Variants in MGMT observed in about 807,000 individuals in gnomAD.
MGMT encodes O-6-methylguanine-DNA methyltransferase.
MGMT carries 14 observed loss-of-function variants against 15.9 expected under a neutral mutation model. The observed-to-expected ratio is 0.88, with a 90% confidence interval of 0.58 to 1.37. MGMT has a LOEUF of 1.37. Ranked by LOEUF, MGMT falls within the 40% of genes most tolerant of loss-of-function variation. The probability of loss-of-function intolerance (pLI) is 0.00; values close to 1 mark genes in which losing one functional copy is unlikely to be tolerated. For synonymous variants in MGMT, 130 were observed against 118.2 expected (o/e 1.10, Z -0.65); for missense variants, 282 against 268.1 (o/e 1.05, Z -0.36).
At chr10:129,548,995 G>T (rs895768772) in intron 2 of MGMT, among the ~76,000 whole-genome samples, 38 of 152,210 alleles carry the variant, frequency 2.5e-4, no homozygotes, top group African/African-American at 9.2e-4. Context: ...TATAATTGAT[G>T]TCATAAATAG....
intron 2 of MGMT, among the ~76,000 whole-genome samples, chr10:129,651,703 G>C (rs1252131847): frequency 6.6e-6 from 1 of 152,088 alleles, no homozygotes; most frequent in African/African-American, 2.4e-5. Context: ...TCCTGGCCCT[G>C]TTGGATTGTC....
intron 2 of MGMT, among the ~76,000 whole-genome samples, chr10:129,574,493 A>G (rs1846456520): frequency 6.6e-6 from 1 of 152,232 alleles, no homozygotes. Flanking sequence ...TGAGTATCAC[A>G]TTTCAGTAAT....
At chr10:129,764,207 G>A (rs529127609) in intron 4 of MGMT, among the ~76,000 whole-genome samples, 27 of 152,254 alleles carry the variant, frequency 1.8e-4, no homozygotes, top group Admixed American at 3.3e-4. Flanking sequence ...CCATTCGGCC[G>A]GAGGCTGAGA....
At chr10:129,645,641 C>T (rs145407996) in intron 2 of MGMT, among the ~76,000 whole-genome samples, 454 of 152,308 alleles carry the variant, frequency 3.0e-3, no homozygotes, top group African/African-American at 0.01. Context: ...TGGATTTGTG[C>T]GTGTCGGTGG....
At chr10:129,470,778 C>T (rs1394765294) in intron 1 of MGMT, among the ~76,000 whole-genome samples, 1 of 152,224 alleles carries the variant, frequency 6.6e-6, no homozygotes, top group African/African-American at 2.4e-5. Flanking sequence ...AAATCAGTGG[C>T]TCAGCAGCAG....
At chr10:129,520,081 G>C (rs1374053344) in intron 1 of MGMT, among the ~76,000 whole-genome samples, 4 of 152,188 alleles carry the variant, frequency 2.6e-5, no homozygotes, top group African/African-American at 7.2e-5. Flanking sequence ...AGTGCCACAG[G>C]CAGTGCAGCA....
At chr10:129,502,915 C>T (rs1375058490) in intron 1 of MGMT, among the ~76,000 whole-genome samples, 1 of 152,092 alleles carries the variant, frequency 6.6e-6, no homozygotes, top group Non-Finnish European at 1.5e-5. Flanking sequence ...GCATGTAGTC[C>T]AGAGAAGCAC....
At chr10:129,700,500 T>G (rs539158122) in intron 2 of MGMT, 1 of 152,286 alleles carries the variant, frequency 6.6e-6, no homozygotes, top group Admixed American at 6.5e-5. Flanking sequence ...AAGTGCTGTT[T>G]CTGATGTTGA....
chr10:129,744,480 C>T (rs1848671204), intron 3 of MGMT, among the ~76,000 whole-genome samples: 2 of 152,240 alleles, frequency 1.3e-5, no homozygotes, highest in Admixed American at 6.5e-5. Flanking sequence ...ACTGGCTGGC[C>T]AAGCACCGTG....
At chr10:129,518,922 A>G (rs1410179039) in intron 1 of MGMT, among the ~76,000 whole-genome samples, 1 of 151,814 alleles carries the variant, frequency 6.6e-6, no homozygotes, top group Non-Finnish European at 1.5e-5. Flanking sequence ...TTTGTATTAT[A>G]GTAGCTCTGT....
intron 2 of MGMT, among the ~76,000 whole-genome samples, chr10:129,571,916 G>A (rs924869499): frequency 6.6e-6 from 1 of 152,206 alleles, no homozygotes; most frequent in Non-Finnish European, 1.5e-5. Flanking sequence ...TAGTGCGACA[G>A]CGGGCTCCCT....
intron 1 of MGMT, among the ~76,000 whole-genome samples, chr10:129,488,968 G>A (rs533318195): frequency 3.3e-5 from 5 of 152,140 alleles, no homozygotes; most frequent in African/African-American, 4.8e-5. Context: ...CCAAGTGGAC[G>A]CATGCCTTTT....
intron 1 of MGMT, among the ~76,000 whole-genome samples, chr10:129,516,982 AC>A (rs1845745137): frequency 1.3e-5 from 2 of 152,202 alleles, no homozygotes; most frequent in South Asian, 4.1e-4. Context: ...CGACAGTTCT[AC>A]CCCGAGTGCG....
intron 2 of MGMT, among the ~76,000 whole-genome samples, chr10:129,645,294 A>G (rs1847374955): frequency 6.6e-6 from 1 of 151,678 alleles, no homozygotes; most frequent in Non-Finnish European, 1.5e-5. Context: ...TGATTTTTGT[A>G]TTTTTTTGGT....
chr10:129,616,276 C>T (rs1847025217), intron 2 of MGMT, among the ~76,000 whole-genome samples: 1 of 152,206 alleles, frequency 6.6e-6, no homozygotes, highest in Non-Finnish European at 1.5e-5. Context: ...GCTGCAGGCT[C>T]AGGGGAGCTG....
chr10:129,586,787 A>T (rs1846623441), intron 2 of MGMT, among the ~76,000 whole-genome samples: 1 of 152,176 alleles, frequency 6.6e-6, no homozygotes, highest in South Asian at 2.1e-4. Context: ...TTAGCATTTT[A>T]AAAAGTTGCC....
intron 3 of MGMT, among the ~76,000 whole-genome samples, chr10:129,714,668 C>G (rs566693572): frequency 6.6e-6 from 1 of 152,274 alleles, no homozygotes; most frequent in African/African-American, 2.4e-5. Context: ...GGATGTAGCT[C>G]CTATGAATGC....
chr10:129,600,132 T>C (rs1489247989), intron 2 of MGMT, among the ~76,000 whole-genome samples: 1 of 152,206 alleles, frequency 6.6e-6, no homozygotes, highest in Non-Finnish European at 1.5e-5. Flanking sequence ...AAGTCAGTAG[T>C]ATCTCCAGGG....
intron 3 of MGMT, among the ~76,000 whole-genome samples, chr10:129,729,299 C>T (rs927545537): frequency 1.3e-5 from 2 of 152,194 alleles, no homozygotes; most frequent in East Asian, 1.9e-4. Flanking sequence ...GGCACCTTTG[C>T]ACCCCAGTCC....
Sources: gnomAD v4.1 joint callset for allele counts (sites outside exome capture counted in the v4.1 genomes callset) on GRCh38, gnomAD v4.1.1 for gene constraint, MANE v1.5 for transcripts, NCBI Gene and HGNC (gene_info 2026-07-23, HGNC 2026-07-21) for gene names.